Variants in FOXP1 observed in about 807,000 individuals in gnomAD.
The protein encoded by FOXP1 is forkhead box protein P1.
FOXP1 carries 15 observed loss-of-function variants against 98.2 expected under a neutral mutation model. The ratio of observed to expected loss-of-function variants is 0.15; its 90% CI spans 0.10 to 0.24. The LOEUF is 0.24. Ranked by LOEUF, FOXP1 falls within the 10% of genes least tolerant of loss-of-function variation. The pLI is 1.00. For synonymous variants in FOXP1, 371 were observed against 314.5 expected, an observed-to-expected ratio of 1.18 and a Z score of -1.90; for missense variants, 633 against 848.5, an observed-to-expected ratio of 0.75 and a Z score of 3.15.
rs550061213 is a variant in FOXP1, at chr3:71,378,492, CAT to C, written c.-167-19250_-167-19249del. On this transcript the variant is annotated intron_variant, in intron 3 of 20. Transcript: ENST00000649528. ...TCCCTGTCCCACTCTGTCCTACCCACATGAGTCATTGCTTTGTCCAGGGTCTC... is the reference window on the plus strand; with the variant it reads ...TCCCTGTCCCACTCTGTCCTACCCACGAGTCATTGCTTTGTCCAGGGTCTC... Among the ~76,000 whole-genome samples the C allele has an allele frequency of 1.4e-4, 22 of 152,274 alleles. No individual in the cohort carries two copies. The South Asian group carries it at 2.9e-3, about 20-fold the overall frequency.
At chr3:71,170,002 C>A (rs1024091490) in intron 6 of FOXP1, among the ~76,000 whole-genome samples, 5 of 151,994 alleles carry the variant, frequency 3.3e-5, no homozygotes, top group Admixed American at 2.0e-4. Context: ...CGAGATAGGC[C>A]CCATTTCCAA....
At chr3:71,128,241 C>G (rs2059347981) in intron 6 of FOXP1, among the ~76,000 whole-genome samples, 1 of 149,988 alleles carries the variant, frequency 6.7e-6, no homozygotes, top group African/African-American at 2.5e-5. Context: ...AGTATGCGCA[C>G]ATATATCAGT....
chr3:71,214,728 C>T (rs916407475), intron 5 of FOXP1, among the ~76,000 whole-genome samples: 1 of 152,136 alleles, frequency 6.6e-6, no homozygotes, highest in African/African-American at 2.4e-5. Flanking sequence ...TTGTTGATCA[C>T]GTTCTCCCCC....
At chr3:71,237,036 A>G (rs2066846118) in intron 5 of FOXP1, among the ~76,000 whole-genome samples, 1 of 151,370 alleles carries the variant, frequency 6.6e-6, no homozygotes, top group Non-Finnish European at 1.5e-5. Context: ...GTTTGAGACC[A>G]GCCTGACCAA....
chr3:71,517,627 T>G (rs1022293939), intron 2 of FOXP1, among the ~76,000 whole-genome samples: 4 of 152,208 alleles, frequency 2.6e-5, no homozygotes, highest in Non-Finnish European at 4.4e-5. Context: ...TCTTTCTCCT[T>G]TATCTTCAGT....
chr3:71,517,841 A>T (rs2042694947), intron 2 of FOXP1, among the ~76,000 whole-genome samples: 1 of 152,242 alleles, frequency 6.6e-6, no homozygotes, highest in Non-Finnish European at 1.5e-5. Flanking sequence ...CTAACTAGGT[A>T]ATGTCTACAT....
At chr3:71,283,245 C>T (rs920204264) in intron 5 of FOXP1, among the ~76,000 whole-genome samples, 1 of 152,162 alleles carries the variant, frequency 6.6e-6, no homozygotes, top group Non-Finnish European at 1.5e-5. Flanking sequence ...AGAGCAAACA[C>T]CCAGAGAGGG....
intron 3 of FOXP1, among the ~76,000 whole-genome samples, chr3:71,395,812 C>G (rs1251739049): frequency 6.6e-6 from 1 of 151,462 alleles, no homozygotes; most frequent in East Asian, 1.9e-4. Context: ...GTATTCTCCT[C>G]TTTATAATGT....
At chr3:71,085,048 T>C (rs2054883139) in intron 7 of FOXP1, among the ~76,000 whole-genome samples, 1 of 152,230 alleles carries the variant, frequency 6.6e-6, no homozygotes, top group Non-Finnish European at 1.5e-5. Context: ...TGTTCATTTC[T>C]TTCACTCAAA....
At chr3:71,200,077 A>G (rs2063567826) in intron 5 of FOXP1, among the ~76,000 whole-genome samples, 1 of 92,312 alleles carries the variant, frequency 1.1e-5, no homozygotes, top group Non-Finnish European at 2.0e-5. Context: ...GCGAGACTCC[A>G]TCTCACAAAA....
chr3:71,078,950 A>G (rs2054118131), intron 7 of FOXP1, among the ~76,000 whole-genome samples: 2 of 152,136 alleles, frequency 1.3e-5, no homozygotes, highest in Non-Finnish European at 2.9e-5. Flanking sequence ...AGTTCATCCC[A>G]CCAGTGGATG....
chr3:71,278,792 A>C (rs903291797), intron 5 of FOXP1, among the ~76,000 whole-genome samples: 2 of 152,108 alleles, frequency 1.3e-5, no homozygotes, highest in African/African-American at 4.8e-5. Context: ...GAAAACAAAC[A>C]AACAAACAAT....
chr3:71,543,083 A>G (rs902405873), intron 2 of FOXP1, among the ~76,000 whole-genome samples: 5 of 152,158 alleles, frequency 3.3e-5, no homozygotes, highest in Admixed American at 2.0e-4. Flanking sequence ...TTCCCCCTCA[A>G]TTGACCCACA....
At chr3:70,978,584 A>G (rs2038103928) in intron 14 of FOXP1, among the ~76,000 whole-genome samples, 2 of 152,216 alleles carry the variant, frequency 1.3e-5, no homozygotes, top group African/African-American at 4.8e-5. Context: ...TGTGGCTAGT[A>G]GCTACCATAC....
intron 1 of FOXP1, chr3:71,582,486 G>A (rs1321970966): frequency 3.0e-6 from 3 of 985,322 alleles, no homozygotes; most frequent in Non-Finnish European, 3.6e-6. Context: ...CGGGAGGAAG[G>A]CTGCGCGCAA....
At chr3:70,972,420 C>G in intron 18 of FOXP1, 135 bp downstream of exon 18, 1 of 1,317,394 alleles carries the variant, frequency 7.6e-7, no homozygotes, top group Non-Finnish European at 1.1e-6. Context: ...GGATGAAATG[C>G]TTTTTTGCTT....
intron 3 of FOXP1, among the ~76,000 whole-genome samples, chr3:71,383,462 A>C (rs2080329523): frequency 6.6e-6 from 1 of 152,198 alleles, no homozygotes; most frequent in Non-Finnish European, 1.5e-5. Context: ...CAATGAGAAA[A>C]TGTTGGTATT....
chr3:71,526,344 G>A (rs991299845), intron 2 of FOXP1, among the ~76,000 whole-genome samples: 1 of 152,050 alleles, frequency 6.6e-6, no homozygotes, highest in South Asian at 2.1e-4. Flanking sequence ...TGCCTCAGCC[G>A]ACAAAGTGGA....
intron 5 of FOXP1, among the ~76,000 whole-genome samples, chr3:71,240,508 T>A (rs1456866576): frequency 6.6e-6 from 1 of 152,072 alleles, no homozygotes; most frequent in East Asian, 1.9e-4. Context: ...GAAGTTCCTT[T>A]TGAAAATGTC....
Sources: allele counts gnomAD v4.1 joint callset (sites outside exome capture counted in the v4.1 genomes callset), GRCh38; gene constraint gnomAD v4.1.1; transcripts MANE v1.5; gene names NCBI Gene and HGNC (gene_info 2026-07-23, HGNC 2026-07-21).